THADA: variants seen among roughly 807,000 people sequenced by gnomAD.
THADA encodes tRNA (32-2'-O)-methyltransferase regulator THADA.
Under a neutral mutation model 219.8 loss-of-function variants are expected in THADA, and 213 were observed. That is an observed-to-expected ratio of 0.97 (90% CI 0.87 to 1.09). THADA has a LOEUF of 1.09. THADA is among the 50% of genes least tolerant of loss of function. THADA has a pLI of 0.00. For missense variants in THADA, 2,956 were observed against 2,311.3 expected (o/e 1.28, Z -5.72); for synonymous variants, 1,018 against 828.9 (o/e 1.23, Z -3.92).
At chr2:43,529,238 G>C (rs961508756) in intron 21 of THADA, among the ~76,000 whole-genome samples, 1 of 151,508 alleles carries the variant, frequency 6.6e-6, no homozygotes, top group East Asian at 1.9e-4. Flanking sequence ...CTGTAACCTC[G>C]AACTCCTAGG....
At chr2:43,533,707 A>G (rs537523751) in intron 21 of THADA, among the ~76,000 whole-genome samples, 2 of 152,302 alleles carry the variant, frequency 1.3e-5, no homozygotes, top group South Asian at 4.1e-4. Flanking sequence ...ACATGGACAC[A>G]GGGAGGGGAA....
intron 21 of THADA, 60 bp from the exon 22 acceptor site, chr2:43,528,048 T>C (rs914272827): frequency 4.8e-6 from 6 of 1,254,902 alleles, no homozygotes; most frequent in African/African-American, 1.5e-5. Context: ...AGTGTATTTA[T>C]ATCAGTAACA....
intron 36 of THADA, among the ~76,000 whole-genome samples, chr2:43,239,369 C>T (rs1382697816): frequency 3.3e-5 from 5 of 152,200 alleles, no homozygotes; most frequent in Non-Finnish European, 5.9e-5. Flanking sequence ...CCCCATCCCC[C>T]GCCCCCCAAC....
chr2:43,589,602 T>C (rs1351866928), intron 4 of THADA, among the ~76,000 whole-genome samples: 1 of 152,184 alleles, frequency 6.6e-6, no homozygotes, highest in African/African-American at 2.4e-5. Context: ...AAACATCATA[T>C]GTTCTCACTC....
intron 26 of THADA, among the ~76,000 whole-genome samples, chr2:43,440,965 A>C (rs1469510160): frequency 1.3e-5 from 2 of 152,194 alleles, no homozygotes; most frequent in Admixed American, 1.3e-4. Context: ...TTTACCAACT[A>C]GTTTATCTTG....
intron 23 of THADA, among the ~76,000 whole-genome samples, chr2:43,506,450 C>G (rs1421056075): frequency 6.6e-6 from 1 of 151,986 alleles, no homozygotes; most frequent in African/African-American, 2.4e-5. Context: ...GAAAACATTA[C>G]GATAAGTGAA....
At position 43,570,460 on chromosome 2, in the gene THADA, C is replaced by G. The variant is rs554307239; in HGVS notation, c.2115G>C (p.Gln705His). ...TCTCTGGTTCACGTTTGGATTTACT[C>G]TGCTCCAATTTATAAAGTACCTGAG... ...ESSQVLYKLE[Q>H]SKSKREPENE... is the part of the protein sequence containing the mutation. The change falls in exon 14 of 38, where the codon CAG (glutamine) becomes CAC (histidine). Residue 705 changes from glutamine (Q) to histidine (H), a missense_variant. Gln to His is a conservative substitution (Grantham distance 24). Coordinates refer to ENST00000405975, the MANE Select transcript of THADA (RefSeq NM_022065.5). 9 of 1,613,338 alleles carry G rather than the reference C, an allele frequency of 5.6e-6. No homozygotes were observed. The highest frequency in any genetic ancestry group is 1.3e-5 in the African/African-American group (1 of 74,910).
chr2:43,421,383 T>C (rs968468536), intron 28 of THADA, among the ~76,000 whole-genome samples: 2 of 152,126 alleles, frequency 1.3e-5, no homozygotes, highest in African/African-American at 2.4e-5. Flanking sequence ...CTGAACCTCA[T>C]GGAATTTAGT....
At chr2:43,510,953 A>G (rs1282925128) in intron 22 of THADA, among the ~76,000 whole-genome samples, 1 of 151,800 alleles carries the variant, frequency 6.6e-6, no homozygotes, top group Non-Finnish European at 1.5e-5. Context: ...CCTGGGTGAC[A>G]CAGCAAGACT....
At chr2:43,359,765 C>G (rs1024554797) in intron 29 of THADA, among the ~76,000 whole-genome samples, 2 of 151,782 alleles carry the variant, frequency 1.3e-5, no homozygotes, top group African/African-American at 4.8e-5. Context: ...GGACAATCAT[C>G]ATGGATAAGC....
intron 26 of THADA, among the ~76,000 whole-genome samples, chr2:43,477,006 G>A (rs186236633): frequency 3.3e-5 from 5 of 152,198 alleles, no homozygotes; most frequent in East Asian, 3.9e-4. Flanking sequence ...TATGTAGGAC[G>A]CTATTTTACA....
At chr2:43,359,209 T>A (rs1299670540) in intron 29 of THADA, among the ~76,000 whole-genome samples, 1 of 152,234 alleles carries the variant, frequency 6.6e-6, no homozygotes, top group African/African-American at 2.4e-5. Context: ...CCTGCAATTA[T>A]GTGTAATAAC....
chr2:43,357,421 G>C (rs993291177), intron 29 of THADA, among the ~76,000 whole-genome samples: 4 of 152,144 alleles, frequency 2.6e-5, no homozygotes, highest in African/African-American at 9.7e-5. Flanking sequence ...TACACAAATG[G>C]TACCCAATGG....
chr2:43,574,415 C>A lies in THADA; in HGVS notation c.1650G>T (p.Leu550Phe). ...DQKSYVIDYY[L>F]PKLLSYSPES... ...CAGGGCTGTAACTTAATAATTTTGGCAAGTAATAATCAATCACGTAAGATT... is the reference window on the plus strand; with the variant it reads ...CAGGGCTGTAACTTAATAATTTTGGAAAGTAATAATCAATCACGTAAGATT... The change falls in exon 11 of 38, where the codon TTG (leucine) becomes TTT (phenylalanine). Residue 550 changes from leucine (L) to phenylalanine (F), a missense_variant. Coordinates refer to ENST00000405975, the MANE Select transcript of THADA (RefSeq NM_022065.5). 1.2e-6 allele frequency: 2 copies of A among 1,610,420 alleles called. No individual in the cohort carries two copies. Among genetic ancestry groups the A allele is most frequent in the South Asian group, 2.2e-5 (2 of 90,490 alleles).
chr2:43,535,930 G>C (rs1465724867), intron 21 of THADA, among the ~76,000 whole-genome samples: 1 of 151,782 alleles, frequency 6.6e-6, no homozygotes, highest in African/African-American at 2.4e-5. Flanking sequence ...TCAGCCTCTC[G>C]AGTGGCTGGG....
At chr2:43,310,228 C>CTTT (rs1223814966) in intron 31 of THADA, among the ~76,000 whole-genome samples, 20 of 110,400 alleles carry the variant, frequency 1.8e-4, no homozygotes, top group Non-Finnish European at 3.2e-4. Context: ...CCTTTCCCGC[C>CTTT]CCCCCCCCAA....
intron 29 of THADA, among the ~76,000 whole-genome samples, chr2:43,379,803 C>T (rs555193473): frequency 2.6e-5 from 4 of 152,318 alleles, no homozygotes; most frequent in African/African-American, 9.6e-5. Context: ...TGTCCTTCAA[C>T]AGGTGAACAG....
chr2:43,453,746 A>T (rs1048858164), intron 26 of THADA, among the ~76,000 whole-genome samples: 1 of 152,192 alleles, frequency 6.6e-6, no homozygotes, highest in African/African-American at 2.4e-5. Flanking sequence ...ACAGAGTCAG[A>T]CTTTCAACAT....
intron 22 of THADA, among the ~76,000 whole-genome samples, chr2:43,524,091 T>C (rs1402702297): frequency 6.6e-6 from 1 of 152,190 alleles, no homozygotes; most frequent in Non-Finnish European, 1.5e-5. Flanking sequence ...ATCAAATGCT[T>C]AGACAAGTAA....
Sources: allele counts gnomAD v4.1 joint callset (sites outside exome capture counted in the v4.1 genomes callset), GRCh38; gene constraint gnomAD v4.1.1; transcripts MANE v1.5; gene names NCBI Gene and HGNC (gene_info 2026-07-23, HGNC 2026-07-21).